The following TUBB2B variants were observed in gnomAD, a reference collection of about 807,000 sequenced individuals.
The protein encoded by TUBB2B is tubulin beta 2B class IIb, also known as tubulin beta-2B chain.
Under a neutral mutation model 35.0 loss-of-function variants are expected in TUBB2B, and 5 were observed. The ratio of observed to expected loss-of-function variants is 0.14; its 90% CI spans 0.07 to 0.30. TUBB2B has a LOEUF of 0.30. Ranked by LOEUF, TUBB2B falls within the 10% of genes least tolerant of loss-of-function variation. TUBB2B has a pLI of 1.00. For missense variants in TUBB2B, 63 were observed against 601.8 expected (o/e 0.10, Z 9.37); for synonymous variants, 166 against 250.5 (o/e 0.66, Z 3.18).
chr6:3,226,068 C>T lies in TUBB2B; in HGVS notation c.277+91G>A. On this transcript the variant is annotated intron_variant, in intron 3 of 3. Coordinates refer to ENST00000259818, the MANE Select transcript of TUBB2B (RefSeq NM_178012.5). This position sits in a 1 kb window ranked among gnomAD's most constrained non-coding sequence, Gnocchi z 5.5. Reference sequence around the variant, plus strand: ...AAGTTGGCACACCGCGGATGTTCTTCATGCTTTCCCTCTGGCAATCACACC... The same window carrying T: ...AAGTTGGCACACCGCGGATGTTCTTTATGCTTTCCCTCTGGCAATCACACC... 1 of 1,411,248 alleles carries T rather than the reference C, an allele frequency of 7.1e-7. No individual in the cohort carries two copies. Among genetic ancestry groups the T allele is most frequent in the Non-Finnish European group, 1.0e-6 (1 of 1,001,088 alleles). The allele number at this position is 1,411,248 out of a possible 1,614,324, so 87.4% of individuals were successfully genotyped here. A position where few individuals can be genotyped will look rare whatever the true frequency, so the allele number is the denominator to read the frequency against.
chr6:3,227,387 G>A lies in TUBB2B; in HGVS notation c.57+100C>T. The A allele has an allele frequency of 6.7e-7, 1 of 1,500,328 alleles. No homozygotes were observed. Among genetic ancestry groups the A allele is most frequent in the Non-Finnish European group, 9.0e-7 (1 of 1,109,038 alleles). 92.9% of individuals were successfully genotyped at this position (1,500,328 alleles called of 1,614,324 possible). ...AAGCGGCCAGGAAGGTCTGCATTTG[G>A]CGATCCCCAGGCCTTCCCAGGACCG... is the stretch of plus-strand genomic sequence containing the variant. On this transcript the variant is annotated intron_variant, in intron 1 of 3. Coordinates refer to ENST00000259818, the MANE Select transcript of TUBB2B (RefSeq NM_178012.5). This position sits in a 1 kb window ranked among gnomAD's most constrained non-coding sequence, Gnocchi z 7.8.
Position 3,224,701 on chromosome 6 carries a change from AC to A in TUBB2B, c.*49del. The A allele has an allele frequency of 6.2e-7, 1 of 1,607,932 alleles. No homozygotes were observed. The highest frequency in any genetic ancestry group is 8.5e-7 in the Non-Finnish European group (1 of 1,176,084). On this transcript the variant is annotated 3_prime_UTR_variant, in exon 4 of 4. Transcript: ENST00000259818. ...AGGTTATCGTCCCGGGAAGCCCCCC[AC>A]CCCCTCGCTTTCCTCCTCCGCTTTC... is the stretch of plus-strand genomic sequence containing the variant.
chr6:3,227,594 C>T lies in TUBB2B; in HGVS notation c.-51G>A. The T allele has an allele frequency of 3.1e-6, 5 of 1,605,198 alleles. No individual in the cohort carries two copies. Among genetic ancestry groups the T allele is most frequent in the Non-Finnish European group, 4.2e-6 (5 of 1,177,520 alleles). On this transcript the variant is annotated 5_prime_UTR_variant, in exon 1 of 4. Coordinates refer to ENST00000259818, the MANE Select transcript of TUBB2B (RefSeq NM_178012.5). This position sits in a 1 kb window ranked among gnomAD's most constrained non-coding sequence, Gnocchi z 7.8. ...CCGGCGGCGTCTGGGTCTGTCCGTC[C>T]TCCCCTCACACACCCACTGCGGGGT...
Position 3,227,271 on chromosome 6 carries a change from G to A in TUBB2B, c.57+216C>T, listed in dbSNP as rs1295872488. On this transcript the variant is annotated intron_variant, in intron 1 of 3. Transcript: ENST00000259818. The surrounding 1 kb of genome is among the most constrained non-coding windows in gnomAD (Gnocchi z 7.8). ...CGGAGGGAGGCCGAGGGGGTGACGG[G>A]GACTCCAAATGAGTTACAGCAGAAA... is the stretch of plus-strand genomic sequence containing the variant. 2.0e-5 allele frequency among the ~76,000 whole-genome samples: 3 copies of A among 152,102 alleles called. No individual in the cohort carries two copies. Among genetic ancestry groups the A allele is most frequent in the Admixed American group, 6.5e-5 (1 of 15,282 alleles).
chr6:3,226,622 A>G lies in TUBB2B; in HGVS notation c.105T>C (p.Ser35=), dbSNP rs1164572745. 1 of 1,614,172 alleles carries G rather than the reference A, an allele frequency of 6.2e-7. No individual in the cohort carries two copies. Among genetic ancestry groups the G allele is most frequent in the East Asian group, 2.2e-5 (1 of 44,884 alleles). The change falls in exon 2 of 4, where the codon AGT becomes AGC. Residue 35 remains serine (S), a synonymous_variant. Coordinates refer to ENST00000259818, the MANE Select transcript of TUBB2B (RefSeq NM_178012.5). The surrounding 1 kb of genome is among the most constrained non-coding windows in gnomAD (Gnocchi z 5.5). ...SDEHGIDPTG[S]YHGDSDLQLE... Reference sequence around the variant, plus strand: ...GCTGCAAATCACTGTCTCCATGGTAACTGCCAGTGGGGTCAATCCCATGCT... The same window carrying G: ...GCTGCAAATCACTGTCTCCATGGTAGCTGCCAGTGGGGTCAATCCCATGCT...
At chr6:3,225,860 A>G (rs1341429494) in intron 3 of TUBB2B, 49 bp from the exon 4 acceptor site, 1 of 1,610,284 alleles carries the variant, frequency 6.2e-7, no homozygotes, top group East Asian at 2.2e-5. Context: ...TGTACTAAAT[A>G]CCTTACCTCA....
rs575356608 is a variant in TUBB2B, at chr6:3,226,762, A to G, written c.58-93T>C. 29 of 1,101,168 alleles carry G rather than the reference A, an allele frequency of 2.6e-5. No individual in the cohort carries two copies. In the South Asian group the frequency reaches 3.3e-4, roughly 13 times the overall value. 68.2% of individuals were successfully genotyped at this position (1,101,168 alleles called of 1,614,324 possible). A position where few individuals can be genotyped will look rare whatever the true frequency, so the allele number is the denominator to read the frequency against. On this transcript the variant is annotated intron_variant, in intron 1 of 3. Coordinates refer to ENST00000259818, the MANE Select transcript of TUBB2B (RefSeq NM_178012.5). This position sits in a 1 kb window ranked among gnomAD's most constrained non-coding sequence, Gnocchi z 5.5. ...GTCCCCGACTCAGTTCCGACAACCCAACATTTCAGGAGCTTGAAGCTTTAA... is the reference window on the plus strand; with the variant it reads ...GTCCCCGACTCAGTTCCGACAACCCGACATTTCAGGAGCTTGAAGCTTTAA...
chr6:3,227,254 G>C lies in TUBB2B; in HGVS notation c.57+233C>G, dbSNP rs937094715. 2.0e-5 allele frequency among the ~76,000 whole-genome samples: 3 copies of C among 152,156 alleles called. No individual in the cohort carries two copies. The highest frequency in any genetic ancestry group is 4.4e-5 in the Non-Finnish European group (3 of 68,016). On this transcript the variant is annotated intron_variant, in intron 1 of 3. Coordinates refer to ENST00000259818, the MANE Select transcript of TUBB2B (RefSeq NM_178012.5). This position sits in a 1 kb window ranked among gnomAD's most constrained non-coding sequence, Gnocchi z 7.8. ...CTGCCAAGCAGCCAGCGCGGAGGGA[G>C]GCCGAGGGGGTGACGGGGACTCCAA... is the stretch of plus-strand genomic sequence containing the variant.
rs1757246034 is a variant in TUBB2B, at chr6:3,224,455, T to C, written c.*296A>G. 1.9e-6 allele frequency: 1 copy of C among 540,532 alleles called. No homozygotes were observed. The highest frequency in any genetic ancestry group is 1.9e-5 in the African/African-American group (1 of 53,110). The allele number at this position is 540,532 out of a possible 1,614,324, so 33.5% of individuals were successfully genotyped here. On this transcript the variant is annotated 3_prime_UTR_variant, in exon 4 of 4. Coordinates refer to ENST00000259818, the MANE Select transcript of TUBB2B (RefSeq NM_178012.5). ...ATGTGTTCAGAAAGTTACATTTAAA[T>C]CGTTAATAAAGAGAAAAAGGAAGAG...
Position 3,224,635 on chromosome 6 carries a change from C to A in TUBB2B, c.*116G>T, listed in dbSNP as rs1000004782. On this transcript the variant is annotated 3_prime_UTR_variant, in exon 4 of 4. Coordinates refer to ENST00000259818, the MANE Select transcript of TUBB2B (RefSeq NM_178012.5). Reference sequence around the variant, plus strand: ...ACAGTGAAGAGCACCAGAGACCCAGCGCACACCTAAAGTAGACCATGCTTC... The same window carrying A: ...ACAGTGAAGAGCACCAGAGACCCAGAGCACACCTAAAGTAGACCATGCTTC... 2.0e-5 allele frequency: 30 copies of A among 1,479,314 alleles called. No homozygotes were observed. The highest frequency in any genetic ancestry group is 2.6e-5 in the Non-Finnish European group (28 of 1,093,318). 91.6% of individuals were successfully genotyped at this position (1,479,314 alleles called of 1,614,324 possible).
In TUBB2B at chr6:3,224,641, C is replaced by T. The variant is rs1463923684; in HGVS notation, c.*110G>A. 6.6e-7 allele frequency: 1 copy of T among 1,525,880 alleles called. No individual in the cohort carries two copies. The highest frequency in any genetic ancestry group is 8.9e-7 in the Non-Finnish European group (1 of 1,127,120). 94.5% of individuals were successfully genotyped at this position (1,525,880 alleles called of 1,614,324 possible). A position where few individuals can be genotyped will look rare whatever the true frequency, so the allele number is the denominator to read the frequency against. ...AAGAGCACCAGAGACCCAGCGCACA[C>T]CTAAAGTAGACCATGCTTCTTTCCT... On this transcript the variant is annotated 3_prime_UTR_variant, in exon 4 of 4. Coordinates refer to ENST00000259818, the MANE Select transcript of TUBB2B (RefSeq NM_178012.5).
rs532347249 is a variant in TUBB2B, at chr6:3,226,461, G to C, written c.166+100C>G. ...AAGAGCGGGGATCCTAAACTGAATA[G>C]TCCACCCTCTCCCAGGGCCACACCC... is the stretch of plus-strand genomic sequence containing the variant. On this transcript the variant is annotated intron_variant, in intron 2 of 3. Transcript: ENST00000259818. This position sits in a 1 kb window ranked among gnomAD's most constrained non-coding sequence, Gnocchi z 5.5. 2 of 1,185,790 alleles carry C rather than the reference G, an allele frequency of 1.7e-6. No homozygotes were observed. Among genetic ancestry groups the C allele is most frequent in the Middle Eastern group, 2.1e-4 (1 of 4,748 alleles). 73.5% of individuals were successfully genotyped at this position (1,185,790 alleles called of 1,614,324 possible). A position where few individuals can be genotyped will look rare whatever the true frequency, so the allele number is the denominator to read the frequency against.
At position 3,227,450 on chromosome 6, in the gene TUBB2B, C is replaced by G; in HGVS notation, c.57+37G>C. On this transcript the variant is annotated intron_variant, in intron 1 of 3. Transcript: ENST00000259818. The surrounding 1 kb of genome is among the most constrained non-coding windows in gnomAD (Gnocchi z 7.8). Reference sequence around the variant, plus strand: ...CCGAGGGGCTCTCGGCCCAGGTTCGCGCCCCCATTGGACCCCCTCCGCTGC... The same window carrying G: ...CCGAGGGGCTCTCGGCCCAGGTTCGGGCCCCCATTGGACCCCCTCCGCTGC... The G allele has an allele frequency of 6.2e-7, 1 of 1,601,906 alleles. No homozygotes were observed. The highest frequency in any genetic ancestry group is 8.5e-7 in the Non-Finnish European group (1 of 1,179,134).
In TUBB2B at chr6:3,227,360, C is replaced by T. The variant is rs1406036185; in HGVS notation, c.57+127G>A. ...CTAGCCCAGGCCACACTCGGCGGCA[C>T]AAAGCGGCCAGGAAGGTCTGCATTT... On this transcript the variant is annotated intron_variant, in intron 1 of 3. Transcript: ENST00000259818. The surrounding 1 kb of genome is among the most constrained non-coding windows in gnomAD (Gnocchi z 7.8). 1.5e-6 allele frequency: 2 copies of T among 1,296,246 alleles called. No individual in the cohort carries two copies. The highest frequency in any genetic ancestry group is 1.5e-5 in the African/African-American group (1 of 67,798). The allele number at this position is 1,296,246 out of a possible 1,614,324, so 80.3% of individuals were successfully genotyped here.
In TUBB2B at chr6:3,225,418, T is replaced by C. The variant is rs1400378137; in HGVS notation, c.671A>G (p.Asp224Gly). The C allele has an allele frequency of 6.2e-7, 1 of 1,612,332 alleles. No individual in the cohort carries two copies. Among genetic ancestry groups the C allele is most frequent in the Non-Finnish European group, 8.5e-7 (1 of 1,179,500 alleles). Residue 224 changes from aspartate (D) to glycine (G), a missense_variant, in exon 4 of 4, where the codon GAC becomes GGC. Physicochemically the swap from Asp to Gly is moderately conservative, Grantham distance 94. Transcript: ENST00000259818. ...TLKLTTPTYG[D>G]LNHLVSATMS... ...GGTGGCCGACACCAGGTGGTTGAGG[T>C]CCCCGTAGGTGGGGGTGGTCAGCTT...
Position 3,224,634 on chromosome 6 carries a change from G to C in TUBB2B, c.*117C>G. Reference sequence around the variant, plus strand: ...AACAGTGAAGAGCACCAGAGACCCAGCGCACACCTAAAGTAGACCATGCTT... The same window carrying C: ...AACAGTGAAGAGCACCAGAGACCCACCGCACACCTAAAGTAGACCATGCTT... On this transcript the variant is annotated 3_prime_UTR_variant, in exon 4 of 4. Transcript: ENST00000259818. The C allele has an allele frequency of 6.8e-7, 1 of 1,477,218 alleles. No individual in the cohort carries two copies. The highest frequency in any genetic ancestry group is 2.4e-5 in the East Asian group (1 of 41,374). 91.5% of individuals were successfully genotyped at this position (1,477,218 alleles called of 1,614,324 possible).
At position 3,226,855 on chromosome 6, in the gene TUBB2B, G is replaced by T. The variant is rs886966947; in HGVS notation, c.58-186C>A. On this transcript the variant is annotated intron_variant, in intron 1 of 3. Coordinates refer to ENST00000259818, the MANE Select transcript of TUBB2B (RefSeq NM_178012.5). This position sits in a 1 kb window ranked among gnomAD's most constrained non-coding sequence, Gnocchi z 5.5. ...CAGGTTCAGAAAGTTGAAACTGGGC[G>T]TTTCCCAGGCAAACAGCTGCCGCTC... Among the ~76,000 whole-genome samples, 1 of 152,114 alleles carries T rather than the reference G, an allele frequency of 6.6e-6. No homozygotes were observed. The highest frequency in any genetic ancestry group is 1.5e-5 in the Non-Finnish European group (1 of 68,010).
chr6:3,227,431 G>T lies in TUBB2B; in HGVS notation c.57+56C>A. 1 of 1,595,882 alleles carries T rather than the reference G, an allele frequency of 6.3e-7. No homozygotes were observed. The highest frequency in any genetic ancestry group is 1.1e-5 in the South Asian group (1 of 90,620). On this transcript the variant is annotated intron_variant, in intron 1 of 3. Transcript: ENST00000259818. This position sits in a 1 kb window ranked among gnomAD's most constrained non-coding sequence, Gnocchi z 7.8. ...AGGACCGCGCCTGGGGACCCCGAGG[G>T]GCTCTCGGCCCAGGTTCGCGCCCCC... is the stretch of plus-strand genomic sequence containing the variant.
rs1581527022 is a variant in TUBB2B at position 3,227,624 on chromosome 6, G to A, written c.-81C>T. 7 of 1,574,610 alleles carry A rather than the reference G, an allele frequency of 4.4e-6. No individual in the cohort carries two copies. Among genetic ancestry groups the A allele is most frequent in the Admixed American group, 1.8e-5 (1 of 55,828 alleles). ...CTCACACACCCACTGCGGGGTCACCGGGAAGGCGCTCGGGAACCGACGGGC... is the reference window on the plus strand; with the variant it reads ...CTCACACACCCACTGCGGGGTCACCAGGAAGGCGCTCGGGAACCGACGGGC... On this transcript the variant is annotated 5_prime_UTR_variant, in exon 1 of 4. Transcript: ENST00000259818. This position sits in a 1 kb window ranked among gnomAD's most constrained non-coding sequence, Gnocchi z 7.8.
Sources: gnomAD v4.1 joint callset for allele counts (sites outside exome capture counted in the v4.1 genomes callset) on GRCh38, gnomAD v4.1.1 for gene constraint, Gnocchi (gnomAD v3.1) non-coding constraint, MANE v1.5 for transcripts, NCBI Gene and HGNC (gene_info 2026-07-23, HGNC 2026-07-21) for gene names.